Variants in SSBP1 observed in about 807,000 individuals in gnomAD.
SSBP1 encodes the protein single stranded DNA binding protein 1, also known as single-stranded DNA-binding protein, mitochondrial.
SSBP1 carries 20 observed loss-of-function variants against 27.0 expected under a neutral mutation model. The ratio of observed to expected loss-of-function variants is 0.74; its 90% CI spans 0.52 to 1.08. The LOEUF is 1.08. Among genes scored for constraint, SSBP1 ranks in the 50% least tolerant of loss-of-function variants. The pLI is 0.00. For synonymous variants in SSBP1, 59 were observed against 59.3 expected (o/e 1.00, Z 0.02); for missense variants, 137 against 182.4 (o/e 0.75, Z 1.44).
intron 4 of SSBP1, 26 bp downstream of exon 4, chr7:141,743,727 A>G: frequency 6.2e-7 from 1 of 1,608,456 alleles, no homozygotes. Context: ...TGGGGTTTTA[A>G]TTTTATCAGC....
intron 5 of SSBP1, among the ~76,000 whole-genome samples, chr7:141,744,804 G>GGT (rs1258648089): frequency 6.6e-6 from 1 of 152,020 alleles, no homozygotes. Flanking sequence ...CTGATTGATG[G>GGT]GTGTGTGTGT....
At chr7:141,742,039 A>C in intron 2 of SSBP1, 130 bp from the exon 3 acceptor site, 31 of 693,828 alleles carry the variant, frequency 4.5e-5, no homozygotes, top group East Asian at 5.5e-5. Context: ...GAACATGAGA[A>C]GAGCTTCTCT....
intron 5 of SSBP1, 91 bp from the exon 6 acceptor site, chr7:141,745,405 A>T: frequency 1.0e-5 from 11 of 1,078,058 alleles, no homozygotes; most frequent in Non-Finnish European, 1.4e-5. Flanking sequence ...TATATATTTC[A>T]TCCTTGTCAT....
rs774947843 is a variant in SSBP1, at chr7:141,743,569, C to T, written c.94C>T (p.Arg32Cys). 1.4e-5 allele frequency: 22 copies of T among 1,613,918 alleles called. No individual in the cohort carries two copies. The highest frequency in any genetic ancestry group is 2.7e-5 in the African/African-American group (2 of 74,898). The part of the protein sequence containing the change: ...TSLVLERSLN[R>C]VHLLGRVGQD... ...TTGATGTTGTGTTTCAGCCCTGAAT[C>T]GTGTGCACTTACTTGGGCGAGTGGG... is the stretch of plus-strand genomic sequence containing the variant. Residue 32 changes from arginine to cysteine, a missense_variant, in exon 4 of 7, where the codon CGT becomes TGT. Arg to Cys is a radical substitution (Grantham distance 180). Transcript: ENST00000265304.
rs368842414 is a variant in SSBP1 at position 141,745,491 on chromosome 7, A to G, written c.315-5A>G. On this transcript the variant is annotated splice_region_variant and splice_polypyrimidine_tract_variant and intron_variant, in intron 5 of 6. Transcript: ENST00000265304. ...ACTAAAAACTGTACATTTTATTTAT[A>G]TCAGGTCTCGAATTTATTTGGAAGG... 3.3e-5 allele frequency: 53 copies of G among 1,590,096 alleles called. No homozygotes were observed. The highest frequency in any genetic ancestry group is 1.6e-4 in the South Asian group (14 of 88,002).
At position 141,743,912 on chromosome 7, in the gene SSBP1, T is replaced by C. The variant is rs773115546; in HGVS notation, c.237T>C (p.Ser79=). Residue 79 remains serine (S), a synonymous_variant, in exon 5 of 7, where the codon AGT becomes AGC. Coordinates refer to ENST00000265304, the MANE Select transcript of SSBP1 (RefSeq NM_003143.3). ...ATTTTTATGATTTAGGTGATGTCAG[T>C]CAAAAGACAACATGGCACAGAATAT... ...DSEVYQLGDV[S]QKTTWHRISV... 28 of 1,610,464 alleles carry C rather than the reference T, an allele frequency of 1.7e-5. No individual in the cohort carries two copies. Among genetic ancestry groups the C allele is most frequent in the Non-Finnish European group, 2.4e-5 (28 of 1,179,634 alleles).
chr7:141,744,139 C>G, intron 5 of SSBP1, 150 bp downstream of exon 5: 1 of 648,138 alleles, frequency 1.5e-6, no homozygotes, highest in East Asian at 2.8e-5. Context: ...GTCCTTGATA[C>G]TATATGCATG....
At chr7:141,750,262 A>G (rs773826544) in intron 6 of SSBP1, 49 bp from the exon 7 acceptor site, 2 of 1,349,546 alleles carry the variant, frequency 1.5e-6, no homozygotes, top group Non-Finnish European at 2.1e-6. Context: ...ATTGAATGAG[A>G]TGGAGAAAGA....
intron 2 of SSBP1, 174 bp downstream of exon 2, chr7:141,739,364 C>T (rs1318259898): frequency 9.0e-6 from 4 of 442,510 alleles, no homozygotes; most frequent in Non-Finnish European, 1.2e-5. Context: ...ATTATGTTCA[C>T]TAAAACAAAA....
chr7:141,747,259 T>A (rs1336735346), intron 6 of SSBP1, among the ~76,000 whole-genome samples: 1 of 152,126 alleles, frequency 6.6e-6, no homozygotes, highest in Non-Finnish European at 1.5e-5. Context: ...AATTTTGTGC[T>A]TTTGTTTGCT....
intron 6 of SSBP1, chr7:141,746,016 A>T: frequency 2.1e-6 from 2 of 972,944 alleles, no homozygotes; most frequent in Non-Finnish European, 2.4e-6. Flanking sequence ...TGAAATTAAG[A>T]TTTTTTTAAT....
At chr7:141,744,040 T>C (rs764849269) in intron 5 of SSBP1, 51 bp downstream of exon 5, 1 of 1,522,818 alleles carries the variant, frequency 6.6e-7, no homozygotes, top group East Asian at 2.3e-5. Flanking sequence ...AAAGAACCGA[T>C]AAGAAGTGTT....
chr7:141,743,975 A>G lies in SSBP1; in HGVS notation c.300A>G (p.Gln100=), dbSNP rs528921793. 2 of 1,613,030 alleles carry G rather than the reference A, an allele frequency of 1.2e-6. No individual in the cohort carries two copies. Among genetic ancestry groups the G allele is most frequent in the South Asian group, 1.1e-5 (1 of 90,882 alleles). The change falls in exon 5 of 7, where the codon CAA becomes CAG. Residue 100 remains glutamine, a synonymous_variant. Transcript: ENST00000265304. ...FRPGLRDVAY[Q]YVKKGSRIYL... ...CAGGCCTCAGAGACGTGGCATATCA[A>G]TATGTGAAAAAGGGGTAAGTTGAAG... is the stretch of plus-strand genomic sequence containing the variant.
At chr7:141,739,985 G>A (rs1252005286) in intron 2 of SSBP1, 1 of 152,030 alleles carries the variant, frequency 6.6e-6, no homozygotes, top group African/African-American at 2.4e-5. Context: ...TTAAATAAGA[G>A]TTAAAAGTTT....
rs1300420978 is a variant in SSBP1 at position 141,743,937 on chromosome 7, T to A, written c.262T>A (p.Ser88Thr). 6.2e-7 allele frequency: 1 copy of A among 1,612,996 alleles called. No homozygotes were observed. The highest frequency in any genetic ancestry group is 1.1e-5 in the South Asian group (1 of 90,958). The change falls in exon 5 of 7, where the codon TCA (serine) becomes ACA (threonine). Residue 88 changes from serine (S) to threonine (T), a missense_variant. Ser to Thr is a moderately conservative substitution (Grantham distance 58, BLOSUM62 1). Transcript: ENST00000265304. ...VSQKTTWHRISVFRPGLRDVA... is the reference protein window; with the variant it reads ...VSQKTTWHRITVFRPGLRDVA... ...TCAAAAGACAACATGGCACAGAATA[T>A]CAGTATTCCGGCCAGGCCTCAGAGA...
At chr7:141,744,200 C>G (rs1165640058) in intron 5 of SSBP1, among the ~76,000 whole-genome samples, 1 of 152,218 alleles carries the variant, frequency 6.6e-6, no homozygotes, top group Non-Finnish European at 1.5e-5. Context: ...ATAGTTTTAG[C>G]TTTCTAAGAA....
intron 6 of SSBP1, among the ~76,000 whole-genome samples, chr7:141,747,611 A>G (rs983866102): frequency 1.3e-5 from 2 of 151,684 alleles, no homozygotes; most frequent in African/African-American, 4.8e-5. Context: ...GCTGGTCTCG[A>G]ACTCCTGACC....
intron 6 of SSBP1, among the ~76,000 whole-genome samples, chr7:141,746,977 C>G (rs997361289): frequency 1.3e-5 from 2 of 151,760 alleles, no homozygotes; most frequent in Non-Finnish European, 2.9e-5. Context: ...TTTATTTTCC[C>G]CTCAGAAGTG....
At chr7:141,739,338 G>T (rs553491644) in intron 2 of SSBP1, 148 bp downstream of exon 2, 3 of 528,480 alleles carry the variant, frequency 5.7e-6, no homozygotes, top group Admixed American at 6.9e-5. Flanking sequence ...GATTGGGGAC[G>T]ATTTTGCCAG....
Sources: gnomAD v4.1 joint callset for allele counts (sites outside exome capture counted in the v4.1 genomes callset) on GRCh38, gnomAD v4.1.1 for gene constraint, MANE v1.5 for transcripts, NCBI Gene and HGNC (gene_info 2026-07-23, HGNC 2026-07-21) for gene names.